The following ST7 variants were observed in gnomAD, a reference collection of about 807,000 sequenced individuals.
ST7 encodes suppression of tumorigenicity 7.
Under a neutral mutation model 78.7 loss-of-function variants are expected in ST7, and 28 were observed. That is an observed-to-expected ratio of 0.36 (90% confidence interval 0.26 to 0.49). The LOEUF (loss-of-function observed/expected upper bound fraction) is 0.49. Ranked by LOEUF, ST7 falls within the 20% of genes least tolerant of loss-of-function variation. The probability of loss-of-function intolerance (pLI) is 0.99; values close to 1 mark genes in which losing one functional copy is unlikely to be tolerated. For missense variants in ST7, 418 were observed against 696.0 expected (o/e 0.60, Z 4.49); for synonymous variants, 247 against 249.6 (o/e 0.99, Z 0.10).
intron 1 of ST7, among the ~76,000 whole-genome samples, chr7:117,002,924 G>A (rs1428620714): frequency 2.3e-5 from 3 of 130,212 alleles, no homozygotes; most frequent in Admixed American, 9.5e-5. Context: ...CCAGGTTCAA[G>A]CAATTCTTCT....
intron 1 of ST7, among the ~76,000 whole-genome samples, chr7:116,970,803 T>A (rs1182417926): frequency 6.6e-6 from 1 of 152,228 alleles, no homozygotes; most frequent in Non-Finnish European, 1.5e-5. Flanking sequence ...ATTCACTCTT[T>A]CACCCACCTC....
intron 1 of ST7, among the ~76,000 whole-genome samples, chr7:116,996,300 A>G (rs981106776): frequency 6.6e-6 from 1 of 151,956 alleles, no homozygotes; most frequent in African/African-American, 2.4e-5. Flanking sequence ...GATGGTTTCA[A>G]TCTCCTGACC....
chr7:116,959,541 T>C (rs977178051), intron 1 of ST7: 4 of 276,256 alleles, frequency 1.4e-5, no homozygotes, highest in Admixed American at 5.1e-5. Context: ...TGAGCTGGGA[T>C]TGGAACAATA....
chr7:117,076,463 G>A (rs1713464592), intron 1 of ST7: 2 of 152,212 alleles, frequency 1.3e-5, no homozygotes, highest in Admixed American at 1.3e-4. Flanking sequence ...ACCCCTTAAT[G>A]GGTCTCGCAA....
At chr7:117,140,543 G>T (rs1374550806) in intron 9 of ST7, among the ~76,000 whole-genome samples, 2 of 151,778 alleles carry the variant, frequency 1.3e-5, no homozygotes, top group South Asian at 2.1e-4. Context: ...GCCATCATTT[G>T]CTTGACCATT....
intron 1 of ST7, among the ~76,000 whole-genome samples, chr7:117,012,900 T>C (rs1795444936): frequency 6.6e-6 from 1 of 152,180 alleles, no homozygotes; most frequent in African/African-American, 2.4e-5. Flanking sequence ...TATAAGTAGG[T>C]TGTAGGTTTT....
intron 1 of ST7, among the ~76,000 whole-genome samples, chr7:117,050,888 C>T (rs1584523719): frequency 6.7e-6 from 1 of 148,204 alleles, no homozygotes; most frequent in East Asian, 2.0e-4. Context: ...CGAGATCGAG[C>T]ATCTGCACTC....
At chr7:117,057,414 G>A (rs1304172389) in intron 1 of ST7, among the ~76,000 whole-genome samples, 2 of 152,188 alleles carry the variant, frequency 1.3e-5, no homozygotes, top group East Asian at 1.9e-4. Flanking sequence ...GTATATAATT[G>A]ATACTCTTTC....
At chr7:117,136,300 AT>A in intron 8 of ST7, 65 bp downstream of exon 8, 1 of 1,592,784 alleles carries the variant, frequency 6.3e-7, no homozygotes, top group Non-Finnish European at 8.6e-7. Context: ...ATCAGAGCAA[AT>A]TTTTAGTCCA....
chr7:117,176,045 G>A (rs2117295844), intron 10 of ST7, among the ~76,000 whole-genome samples: 2 of 152,106 alleles, frequency 1.3e-5, no homozygotes, highest in East Asian at 3.9e-4. Flanking sequence ...GACATGCCAG[G>A]GATTTTTACT....
At chr7:117,047,381 C>A (rs1797544622) in intron 1 of ST7, among the ~76,000 whole-genome samples, 2 of 152,146 alleles carry the variant, frequency 1.3e-5, no homozygotes, top group South Asian at 4.1e-4. Flanking sequence ...CTTTGTTGTT[C>A]ATGAGATGGA....
At chr7:117,079,968 CTTTTTTTTTTTT>C (rs34326752) in intron 1 of ST7, among the ~76,000 whole-genome samples, 11 of 65,408 alleles carry the variant, frequency 1.7e-4, no homozygotes, top group Admixed American at 5.7e-4. Flanking sequence ...TTTGTCATTC[CTTTTTTTTTTTT>C]TTTTTTTTTT....
chr7:117,055,551 C>A (rs1028091224), intron 1 of ST7, among the ~76,000 whole-genome samples: 3 of 152,182 alleles, frequency 2.0e-5, no homozygotes, highest in African/African-American at 7.2e-5. Flanking sequence ...TACAACTTCT[C>A]TTTGCTGGAC....
At chr7:117,209,960 A>C (rs1792148073) in intron 13 of ST7, 23 bp downstream of exon 13, 1 of 1,601,490 alleles carries the variant, frequency 6.2e-7, no homozygotes, top group African/African-American at 1.4e-5. Context: ...CTTTTTTTGA[A>C]ACATTTTTAA....
At chr7:117,102,794 G>A (rs1485891830) in intron 2 of ST7, among the ~76,000 whole-genome samples, 1 of 152,018 alleles carries the variant, frequency 6.6e-6, no homozygotes, top group Non-Finnish European at 1.5e-5. Context: ...AGTCAAGTGA[G>A]CCCTGTTTGC....
intron 3 of ST7, among the ~76,000 whole-genome samples, chr7:117,124,662 C>G (rs1313421600): frequency 6.6e-6 from 1 of 152,126 alleles, no homozygotes; most frequent in African/African-American, 2.4e-5. Context: ...TGGGGTCAGA[C>G]AGATGTGGTC....
intron 9 of ST7, among the ~76,000 whole-genome samples, chr7:117,161,298 AC>A (rs1365379994): frequency 6.6e-6 from 1 of 152,154 alleles, no homozygotes; most frequent in Non-Finnish European, 1.5e-5. Context: ...TGAGGAAGAA[AC>A]TTTTAAAATA....
chr7:116,965,195 C>T (rs1682569916), intron 1 of ST7, among the ~76,000 whole-genome samples: 1 of 152,152 alleles, frequency 6.6e-6, no homozygotes, highest in Non-Finnish European at 1.5e-5. Flanking sequence ...AAAAAATTAG[C>T]TGGGTGTAGT....
chr7:117,150,754 A>G (rs1458603540), intron 9 of ST7, among the ~76,000 whole-genome samples: 2 of 152,152 alleles, frequency 1.3e-5, no homozygotes, highest in African/African-American at 4.8e-5. Context: ...CTCCAGATTT[A>G]TATTCATTTG....
Sources: gnomAD v4.1 joint callset for allele counts (sites outside exome capture counted in the v4.1 genomes callset) on GRCh38, gnomAD v4.1.1 for gene constraint, MANE v1.5 for transcripts, NCBI Gene and HGNC (gene_info 2026-07-23, HGNC 2026-07-21) for gene names.